FRMD4A: variants seen among roughly 807,000 people sequenced by gnomAD.
The protein encoded by FRMD4A is FERM domain-containing protein 4A.
A neutral mutation model predicts 129.1 loss-of-function variants in FRMD4A; 29 were observed. The ratio of observed to expected loss-of-function variants is 0.22; its 90% CI spans 0.17 to 0.31. The LOEUF (loss-of-function observed/expected upper bound fraction) is 0.31, where lower values mean the gene tolerates loss of function less well. FRMD4A is among the 10% of genes least tolerant of loss of function. The probability of loss-of-function intolerance (pLI) is 1.00; values close to 1 mark genes in which losing one functional copy is unlikely to be tolerated. For missense variants in FRMD4A, 1,272 were observed against 1,375.8 expected (o/e 0.92, Z 1.19); for synonymous variants, 634 against 571.6 (o/e 1.11, Z -1.56).
At chr10:13,957,298 G>A (rs529367309) in intron 2 of FRMD4A, among the ~76,000 whole-genome samples, 1 of 152,300 alleles carries the variant, frequency 6.6e-6, no homozygotes, top group Admixed American at 6.5e-5. Flanking sequence ...TTGCTGCCCA[G>A]ACTGGAGTGC....
intron 3 of FRMD4A, among the ~76,000 whole-genome samples, chr10:13,852,835 C>T (rs886495132): frequency 7.2e-5 from 11 of 152,200 alleles, no homozygotes; most frequent in African/African-American, 1.9e-4. Context: ...TACTGTACCA[C>T]GAGGTGCAGC....
intron 2 of FRMD4A, among the ~76,000 whole-genome samples, chr10:14,222,981 T>C (rs1209674147): frequency 6.6e-6 from 1 of 152,146 alleles, no homozygotes; most frequent in African/African-American, 2.4e-5. Context: ...CCAGCTACTC[T>C]GGAGACTGAG....
At chr10:14,126,621 A>G (rs1238886452) in intron 2 of FRMD4A, among the ~76,000 whole-genome samples, 1 of 152,164 alleles carries the variant, frequency 6.6e-6, no homozygotes, top group Non-Finnish European at 1.5e-5. Context: ...ATCTGCATAG[A>G]ATACGTCTTC....
chr10:14,173,591 C>T (rs1322835664), intron 2 of FRMD4A, among the ~76,000 whole-genome samples: 1 of 152,046 alleles, frequency 6.6e-6, no homozygotes, highest in Non-Finnish European at 1.5e-5. Flanking sequence ...AGGAAAGAGG[C>T]TATTTCAAGT....
intron 2 of FRMD4A, among the ~76,000 whole-genome samples, chr10:14,242,298 G>A (rs1218399): frequency 0.5 from 75,282 of 151,968 alleles, 19,031 homozygotes; most frequent in Non-Finnish European, 0.54. Context: ...TTTCCAATAT[G>A]TTGTTAGATC....
rs2083437668 is a variant in FRMD4A, at chr10:13,670,625, ATG to A, written c.1252-99_1252-98del. The A allele has an allele frequency of 6.9e-6, 8 of 1,163,070 alleles. No homozygotes were observed. In the Admixed American group the frequency reaches 1.5e-4, roughly 21 times the overall value. 72.0% of individuals were successfully genotyped at this position (1,163,070 alleles called of 1,614,324 possible). A position where few individuals can be genotyped will look rare whatever the true frequency, so the allele number is the denominator to read the frequency against. ...CACACGCACATACACGCACACAAAA[ATG>A]CACGCATGCACTTCGATACAGGTCA... On this transcript the variant is annotated intron_variant, in intron 16 of 24. Transcript: ENST00000357447.
intron 2 of FRMD4A, among the ~76,000 whole-genome samples, chr10:13,915,309 C>A (rs189743379): frequency 6.6e-6 from 1 of 151,706 alleles, no homozygotes; most frequent in Non-Finnish European, 1.5e-5. Flanking sequence ...CGGTTTTCTT[C>A]GAGATTAGAT....
At chr10:14,314,681 T>C (rs1002897611) in intron 2 of FRMD4A, among the ~76,000 whole-genome samples, 1 of 152,210 alleles carries the variant, frequency 6.6e-6, no homozygotes, top group Admixed American at 6.5e-5. Flanking sequence ...TTTTTCATGT[T>C]GCAATCTCTC....
chr10:13,930,674 A>T (rs544835456), intron 2 of FRMD4A, among the ~76,000 whole-genome samples: 8 of 152,284 alleles, frequency 5.3e-5, no homozygotes, highest in African/African-American at 1.9e-4. Context: ...GCTTTAGGAG[A>T]AAACGTCGTT....
chr10:13,907,864 A>AG (rs2094898412), intron 2 of FRMD4A, among the ~76,000 whole-genome samples: 1 of 151,356 alleles, frequency 6.6e-6, no homozygotes, highest in Admixed American at 6.6e-5. Flanking sequence ...AGTCACTTAA[A>AG]AAAAAAAAAA....
intron 2 of FRMD4A, among the ~76,000 whole-genome samples, chr10:13,859,922 G>C (rs1048399163): frequency 2.0e-5 from 3 of 152,196 alleles, no homozygotes; most frequent in African/African-American, 7.2e-5. Flanking sequence ...GGGGCTGCAG[G>C]ACTCTGGACA....
At chr10:13,882,815 T>G (rs990222997) in intron 2 of FRMD4A, among the ~76,000 whole-genome samples, 2 of 151,690 alleles carry the variant, frequency 1.3e-5, no homozygotes, top group African/African-American at 2.4e-5. Flanking sequence ...GGTTTTTTTT[T>G]TTTTTTTTGA....
At chr10:14,214,991 T>C (rs1395405790) in intron 2 of FRMD4A, among the ~76,000 whole-genome samples, 1 of 152,212 alleles carries the variant, frequency 6.6e-6, no homozygotes, top group Non-Finnish European at 1.5e-5. Context: ...AACTTATTAT[T>C]GAGGCTGAAT....
intron 2 of FRMD4A, among the ~76,000 whole-genome samples, chr10:14,237,502 TG>T (rs1417109476): frequency 6.6e-6 from 1 of 152,114 alleles, no homozygotes; most frequent in Non-Finnish European, 1.5e-5. Flanking sequence ...AGCTAATTTT[TG>T]TATTTTTAGT....
chr10:13,898,690 TC>T (rs1206349310), intron 2 of FRMD4A, among the ~76,000 whole-genome samples: 2 of 152,192 alleles, frequency 1.3e-5, no homozygotes, highest in African/African-American at 4.8e-5. Flanking sequence ...TGCTAGGGTC[TC>T]ACTATTGGTG....
chr10:14,247,503 C>G (rs2132015078), intron 2 of FRMD4A, among the ~76,000 whole-genome samples: 1 of 152,320 alleles, frequency 6.6e-6, no homozygotes, highest in African/African-American at 2.4e-5. Flanking sequence ...GCCTCTCTCT[C>G]TCTCTCACTC....
intron 2 of FRMD4A, among the ~76,000 whole-genome samples, chr10:14,096,608 C>T (rs1371653367): frequency 1.3e-5 from 2 of 152,112 alleles, no homozygotes; most frequent in East Asian, 1.9e-4. Context: ...AGTTACAAAA[C>T]ATAAATCACC....
At chr10:14,129,044 G>A (rs773143650) in intron 2 of FRMD4A, among the ~76,000 whole-genome samples, 3 of 152,006 alleles carry the variant, frequency 2.0e-5, no homozygotes, top group Non-Finnish European at 2.9e-5. Context: ...AATTCACATA[G>A]CAACAGTGCA....
chr10:13,834,823 C>T (rs1374948871), intron 3 of FRMD4A, among the ~76,000 whole-genome samples: 1 of 152,158 alleles, frequency 6.6e-6, no homozygotes, highest in African/African-American at 2.4e-5. Flanking sequence ...AGGCACATGG[C>T]TTTTTAAGCT....
Sources: gnomAD v4.1 joint callset for allele counts (sites outside exome capture counted in the v4.1 genomes callset) on GRCh38, gnomAD v4.1.1 for gene constraint, MANE v1.5 for transcripts, NCBI Gene and HGNC (gene_info 2026-07-23, HGNC 2026-07-21) for gene names.